The following CADM2 variants were observed in gnomAD, a reference collection of about 807,000 sequenced individuals.
CADM2 encodes the protein cell adhesion molecule 2, also known as immunoglobulin superfamily member 4D.
Under a neutral mutation model 49.8 loss-of-function variants are expected in CADM2, and 12 were observed. The ratio of observed to expected loss-of-function variants is 0.24; its 90% CI spans 0.15 to 0.39. The LOEUF (loss-of-function observed/expected upper bound fraction) is 0.39, where lower values mean the gene tolerates loss of function less well. Among genes scored for constraint, CADM2 ranks in the 10% least tolerant of loss-of-function variants. The probability of loss-of-function intolerance (pLI) is 1.00; values close to 1 mark genes in which losing one functional copy is unlikely to be tolerated. For synonymous variants in CADM2, 214 were observed against 175.4 expected (o/e 1.22, Z -1.74); for missense variants, 378 against 492.3 (o/e 0.77, Z 2.20).
At chr3:85,871,583 A>G (rs2075930197) in intron 3 of CADM2, among the ~76,000 whole-genome samples, 1 of 152,204 alleles carries the variant, frequency 6.6e-6, no homozygotes, top group African/African-American at 2.4e-5. Flanking sequence ...TAGAAGAGAA[A>G]TAATGCTAGT....
chr3:85,343,208 CAT>C (rs2030130085), intron 1 of CADM2, among the ~76,000 whole-genome samples: 4 of 152,150 alleles, frequency 2.6e-5, no homozygotes, highest in Admixed American at 2.6e-4. Context: ...ACTGTGGCAA[CAT>C]AGAGAAAACC....
intron 1 of CADM2, among the ~76,000 whole-genome samples, chr3:85,693,661 G>A (rs543334900): frequency 5.6e-4 from 83 of 148,180 alleles, no homozygotes; most frequent in Non-Finnish European, 6.2e-4. Flanking sequence ...GCCGAGGCAG[G>A]TGGATCACGA....
At chr3:85,495,821 T>C (rs529296749) in intron 1 of CADM2, among the ~76,000 whole-genome samples, 1 of 152,142 alleles carries the variant, frequency 6.6e-6, no homozygotes, top group East Asian at 1.9e-4. Flanking sequence ...CATTCATTAC[T>C]GCAAAGACCG....
chr3:85,293,175 C>T (rs1348262649), intron 1 of CADM2, among the ~76,000 whole-genome samples: 2 of 152,132 alleles, frequency 1.3e-5, no homozygotes, highest in Admixed American at 6.6e-5. Flanking sequence ...CGCAAATAAA[C>T]TGGAAAATCT....
chr3:85,503,322 G>C (rs894277159), intron 1 of CADM2, among the ~76,000 whole-genome samples: 2 of 152,104 alleles, frequency 1.3e-5, no homozygotes, highest in African/African-American at 4.8e-5. Context: ...CAAATGCATT[G>C]ACAAAACAGT....
At chr3:85,118,626 A>T (rs1007001094) in intron 1 of CADM2, among the ~76,000 whole-genome samples, 15 of 152,260 alleles carry the variant, frequency 9.9e-5, no homozygotes, top group Middle Eastern at 3.4e-3. Flanking sequence ...TTCCCACAAC[A>T]TGTGGGAATT....
At chr3:85,097,049 G>T (rs1465804555) in intron 1 of CADM2, among the ~76,000 whole-genome samples, 1 of 152,040 alleles carries the variant, frequency 6.6e-6, no homozygotes, top group African/African-American at 2.4e-5. Context: ...TGCACAATGT[G>T]CAGGTTTGTT....
intron 8 of CADM2, among the ~76,000 whole-genome samples, chr3:86,007,082 A>G (rs1310277739): frequency 6.6e-6 from 1 of 151,564 alleles, no homozygotes; most frequent in East Asian, 1.9e-4. Flanking sequence ...TAACAAACCT[A>G]TTGACTATTG....
At chr3:85,419,072 GA>G (rs1197826340) in intron 1 of CADM2, among the ~76,000 whole-genome samples, 1 of 152,110 alleles carries the variant, frequency 6.6e-6, no homozygotes, top group Non-Finnish European at 1.5e-5. Context: ...CCTGATTTAT[GA>G]AGATTCATAT....
At chr3:85,157,536 C>A (rs1044392243) in intron 1 of CADM2, among the ~76,000 whole-genome samples, 1 of 152,024 alleles carries the variant, frequency 6.6e-6, no homozygotes, top group Non-Finnish European at 1.5e-5. Flanking sequence ...AATAATGCCG[C>A]ATATCTACAA....
chr3:85,194,005 G>T (rs1456184760), intron 1 of CADM2, among the ~76,000 whole-genome samples: 1 of 152,074 alleles, frequency 6.6e-6, no homozygotes, highest in Non-Finnish European at 1.5e-5. Context: ...TTGCAAAAGT[G>T]TTGCCAAGTG....
At chr3:85,703,736 G>A (rs1031417929) in intron 1 of CADM2, among the ~76,000 whole-genome samples, 8 of 152,164 alleles carry the variant, frequency 5.3e-5, no homozygotes, top group African/African-American at 1.9e-4. Context: ...GGTTGAAAAG[G>A]AAAATTGAGG....
chr3:85,801,965 A>C, intron 2 of CADM2, 82 bp from the exon 3 acceptor site: 1 of 1,108,028 alleles, frequency 9.0e-7, no homozygotes, highest in South Asian at 1.8e-5. Flanking sequence ...TTTGCATGAG[A>C]AGTTAAGGCC....
intron 1 of CADM2, among the ~76,000 whole-genome samples, chr3:85,660,870 C>T (rs139149679): frequency 1.5e-4 from 22 of 151,084 alleles, no homozygotes; most frequent in South Asian, 4.2e-4. Context: ...TCTTTAAAAT[C>T]GTGACTTCTA....
intron 1 of CADM2, among the ~76,000 whole-genome samples, chr3:85,641,631 T>C (rs770477417): frequency 2.1e-4 from 32 of 151,972 alleles, no homozygotes; most frequent in Admixed American, 2.6e-4. Flanking sequence ...AAGGTTAGAA[T>C]GTAGGCATGA....
In CADM2 at chr3:85,961,536, G is replaced by A. The variant is rs2108615803; in HGVS notation, c.859G>A (p.Gly287Ser). ...LPDPDRMVVS[G>S]RELNILFLNK... is the part of the protein sequence containing the mutation. ...AGATCCTGACCGAATGGTTGTGAGTGGTAGGGAGCTAAACATTCTTTTCCT... is the reference window on the plus strand; with the variant it reads ...AGATCCTGACCGAATGGTTGTGAGTAGTAGGGAGCTAAACATTCTTTTCCT... The change falls in exon 8 of 10, where the codon GGT becomes AGT. Residue 287 changes from glycine (G) to serine (S), a missense_variant. Transcript: ENST00000383699. 6.2e-7 allele frequency: 1 copy of A among 1,610,034 alleles called. No homozygotes were observed. The highest frequency in any genetic ancestry group is 8.5e-7 in the Non-Finnish European group (1 of 1,177,114).
intron 6 of CADM2, among the ~76,000 whole-genome samples, chr3:85,914,276 C>T (rs1356111331): frequency 6.6e-6 from 1 of 152,050 alleles, no homozygotes; most frequent in Non-Finnish European, 1.5e-5. Flanking sequence ...GGGAAAATTA[C>T]TGAAACTCGT....
intron 2 of CADM2, chr3:85,800,936 T>C (rs1315632467): frequency 6.6e-6 from 1 of 152,226 alleles, no homozygotes; most frequent in African/African-American, 2.4e-5. Context: ...GTAGTAATTA[T>C]TGAATCATTA....
At chr3:85,634,549 A>C (rs2064404071) in intron 1 of CADM2, among the ~76,000 whole-genome samples, 1 of 152,072 alleles carries the variant, frequency 6.6e-6, no homozygotes, top group Non-Finnish European at 1.5e-5. Context: ...AAAAGGCTCT[A>C]CAATTTCTGT....
Sources: allele counts gnomAD v4.1 joint callset (sites outside exome capture counted in the v4.1 genomes callset), GRCh38; gene constraint gnomAD v4.1.1; transcripts MANE v1.5; gene names NCBI Gene and HGNC (gene_info 2026-07-23, HGNC 2026-07-21).